Variants in CNOT10 observed in about 807,000 individuals in gnomAD.
CNOT10 encodes the protein CCR4-NOT transcription complex, subunit 10.
In CNOT10, 30 loss-of-function variants were observed where a neutral mutation model predicts 94.6. That is an observed-to-expected ratio of 0.32 (90% CI 0.24 to 0.43). CNOT10 has a LOEUF of 0.43. CNOT10 is among the 20% of genes least tolerant of loss of function. CNOT10 has a pLI of 1.00. For missense variants in CNOT10, 759 were observed against 877.2 expected (o/e 0.87, Z 1.70); for synonymous variants, 289 against 301.6 (o/e 0.96, Z 0.43).
intron 14 of CNOT10, among the ~76,000 whole-genome samples, chr3:32,760,711 G>T (rs1700408379): frequency 6.6e-6 from 1 of 152,094 alleles, no homozygotes; most frequent in Non-Finnish European, 1.5e-5. Context: ...CGAGTATTCT[G>T]CACAACATTA....
At chr3:32,742,914 G>C (rs748571589) in intron 13 of CNOT10, among the ~76,000 whole-genome samples, 5 of 151,598 alleles carry the variant, frequency 3.3e-5, no homozygotes, top group Non-Finnish European at 5.9e-5. Context: ...AATCCTTAAT[G>C]AAGAAGACAT....
At position 32,764,798 on chromosome 3, in the gene CNOT10, T is replaced by A; in HGVS notation, c.1993T>A (p.Cys665Ser). The change falls in exon 17 of 19, where the codon TGT (cysteine) becomes AGT (serine). Residue 665 changes from cysteine (C) to serine (S), a missense_variant. Physicochemically the swap from Cys to Ser is moderately radical, Grantham distance 112. This residue lies in a region of CNOT10 where 682 missense variants were observed against 799.4 expected (regional missense o/e 0.85). Transcript: ENST00000328834. ...GAGCGAATATGACAAAGCCCGAAAG[T>A]GTCTCCACCAGGTGAGTCCAGAGTG... Reference protein sequence around the residue: ...LRSEYDKARKCLHQAASMIHP... With the variant: ...LRSEYDKARKSLHQAASMIHP... 6.2e-7 allele frequency: 1 copy of A among 1,614,204 alleles called. No homozygotes were observed.
intron 12 of CNOT10, among the ~76,000 whole-genome samples, chr3:32,737,111 C>A (rs775427393): frequency 7.2e-5 from 11 of 152,132 alleles, no homozygotes; most frequent in African/African-American, 1.9e-4. Context: ...GTCGGGAGTT[C>A]GAGACCAGCC....
At chr3:32,715,331 A>C (rs1395040365) in intron 5 of CNOT10, among the ~76,000 whole-genome samples, 1 of 152,190 alleles carries the variant, frequency 6.6e-6, no homozygotes, top group African/African-American at 2.4e-5. Flanking sequence ...TCAGACAAGG[A>C]GGGGTAGAGC....
chr3:32,727,853 ATTGCTGCCAATAAGGGGGTGAGTGCTAC>A lies in CNOT10; in HGVS notation c.1202_1215+14del, dbSNP rs1396725520. The A allele has an allele frequency of 6.2e-7, 1 of 1,611,976 alleles. No individual in the cohort carries two copies. The highest frequency in any genetic ancestry group is 1.7e-5 in the Admixed American group (1 of 59,640). On this transcript the variant is annotated splice_donor_variant and splice_donor_5th_base_variant and coding_sequence_variant and intron_variant, in exon 10 of 19. Transcript: ENST00000328834. LOFTEE classifies it high-confidence loss of function. ...CTGGCTACGGCTGGCTGAATGCTGC[ATTGCTGCCAATAAGGGGGTGAGTGCTAC>A]TTGGGTATCTTTTTAAACCCTGTCT...
chr3:32,728,079 C>G (rs1217699904), intron 10 of CNOT10, among the ~76,000 whole-genome samples: 1 of 151,972 alleles, frequency 6.6e-6, no homozygotes, highest in Non-Finnish European at 1.5e-5. Context: ...TCACTGCAAC[C>G]TCCACCTCCC....
chr3:32,751,110 A>T (rs1488914665), intron 13 of CNOT10, among the ~76,000 whole-genome samples: 5 of 148,590 alleles, frequency 3.4e-5, no homozygotes, highest in Non-Finnish European at 7.4e-5. Context: ...TGAAAAAAAA[A>T]TTTTTTTTGA....
rs537772029 is a variant in CNOT10 at position 32,738,616 on chromosome 3, C to G, written c.1595+1126C>G. 2.5e-4 allele frequency among the ~76,000 whole-genome samples: 38 copies of G among 151,998 alleles called. No individual in the cohort carries two copies. The South Asian group carries it at 7.9e-3, about 32-fold the overall frequency. ...TAGCTGGGACTACAGGCGCCTGCCACCACACAGGGCTAATTTTTTGTATTT... is the reference window on the plus strand; with the variant it reads ...TAGCTGGGACTACAGGCGCCTGCCAGCACACAGGGCTAATTTTTTGTATTT... On this transcript the variant is annotated intron_variant, in intron 13 of 18. Transcript: ENST00000328834.
At position 32,687,439 on chromosome 3, in the gene CNOT10, G is replaced by GTTTTTTTTT. The variant is rs201119069; in HGVS notation, c.22+1961_22+1969dup. Among the ~76,000 whole-genome samples the GTTTTTTTTT allele has an allele frequency of 5.8e-4, 30 of 51,298 alleles. 2 individuals are homozygous for GTTTTTTTTT. Among genetic ancestry groups the GTTTTTTTTT allele is most frequent in the African/African-American group, 8.8e-4 (12 of 13,620 alleles). 33.7% of individuals were successfully genotyped at this position (51,298 alleles called of 152,430 possible). Reference sequence around the variant, plus strand: ...TTCTTTCTCCTTTTAAGTCCTCACGGTTTTTTTTTTTTGTTTTTTTTTTTT... The same window carrying GTTTTTTTTT: ...TTCTTTCTCCTTTTAAGTCCTCACGGTTTTTTTTTTTTTTTTTTTTTGTTTTTTTTTTTT... On this transcript the variant is annotated intron_variant, in intron 1 of 18. Coordinates refer to ENST00000328834, the MANE Select transcript of CNOT10 (RefSeq NM_015442.3).
At chr3:32,690,152 T>C (rs1438968714) in intron 1 of CNOT10, among the ~76,000 whole-genome samples, 1 of 152,198 alleles carries the variant, frequency 6.6e-6, no homozygotes, top group Non-Finnish European at 1.5e-5. Context: ...ATCTGATTTA[T>C]ATTTAACTGA....
At chr3:32,716,027 G>A (rs1396637852) in intron 5 of CNOT10, 198 bp from the exon 6 acceptor site, 5 of 410,900 alleles carry the variant, frequency 1.2e-5, no homozygotes, top group Admixed American at 4.5e-5. Context: ...AGCTGGTCTC[G>A]AACTCCTGGG....
chr3:32,717,378 G>A (rs931717445), intron 7 of CNOT10, 141 bp downstream of exon 7: 2 of 487,088 alleles, frequency 4.1e-6, no homozygotes, highest in Non-Finnish European at 7.3e-6. Flanking sequence ...TTGGGAAGTA[G>A]TAATAATACT....
At chr3:32,740,827 A>C (rs1051815409) in intron 13 of CNOT10, among the ~76,000 whole-genome samples, 2 of 150,604 alleles carry the variant, frequency 1.3e-5, no homozygotes, top group South Asian at 4.2e-4. Flanking sequence ...GCACCACTGC[A>C]CTCCAGCCTG....
At chr3:32,749,382 G>C (rs1222477268) in intron 13 of CNOT10, among the ~76,000 whole-genome samples, 6 of 149,978 alleles carry the variant, frequency 4.0e-5, no homozygotes, top group Non-Finnish European at 8.9e-5. Context: ...CTTACATTTA[G>C]GTCTTTGATC....
intron 14 of CNOT10, among the ~76,000 whole-genome samples, chr3:32,762,263 C>A (rs1298017367): frequency 6.7e-6 from 1 of 148,878 alleles, no homozygotes; most frequent in African/African-American, 2.5e-5. Context: ...GGAGATCGAT[C>A]TTAATTTTTA....
At chr3:32,756,917 A>G (rs1017385586) in intron 13 of CNOT10, among the ~76,000 whole-genome samples, 1 of 151,926 alleles carries the variant, frequency 6.6e-6, no homozygotes, top group Non-Finnish European at 1.5e-5. Flanking sequence ...AGCCTGGCCA[A>G]CATAGTGAAA....
At chr3:32,737,320 A>C in intron 12 of CNOT10, 90 bp from the exon 13 acceptor site, 1 of 827,832 alleles carries the variant, frequency 1.2e-6, no homozygotes, top group Non-Finnish European at 1.9e-6. Context: ...TCTCAAAAAA[A>C]AAGTTGGGAG....
At chr3:32,696,826 C>T (rs944234900) in intron 1 of CNOT10, among the ~76,000 whole-genome samples, 2 of 152,192 alleles carry the variant, frequency 1.3e-5, no homozygotes, top group African/African-American at 2.4e-5. Context: ...GATCCACCCT[C>T]CTCAGCCTCC....
rs569325919 is a variant in CNOT10 at position 32,731,971 on chromosome 3, C to T, written c.1216-1452C>T. On this transcript the variant is annotated intron_variant, in intron 10 of 18. Transcript: ENST00000328834. The stretch of plus-strand genomic sequence containing the variant: ...GCACCCACCTGTAGTCCCAGCTACT[C>T]AGGAGGCTGAGGCAGGAGAATTGCT... Among the ~76,000 whole-genome samples, 63 of 152,136 alleles carry T rather than the reference C, an allele frequency of 4.1e-4. 2 individuals carry two copies. The South Asian group carries it at 0.012, about 30-fold the overall frequency.
Sources: allele counts gnomAD v4.1 joint callset (sites outside exome capture counted in the v4.1 genomes callset), GRCh38; gene constraint gnomAD v4.1.1; regional missense constraint gnomAD v4.1.1; transcripts MANE v1.5; gene names NCBI Gene and HGNC (gene_info 2026-07-23, HGNC 2026-07-21).